The following SEZ6L variants were observed in gnomAD, a reference collection of about 807,000 sequenced individuals.
The protein encoded by SEZ6L is seizure related 6 homolog like.
SEZ6L carries 37 observed loss-of-function variants against 106.2 expected under a neutral mutation model. The observed-to-expected ratio is 0.35, with a 90% CI of 0.27 to 0.46. The LOEUF is 0.46. Among genes scored for constraint, SEZ6L ranks in the 20% least tolerant of loss-of-function variants. SEZ6L has a pLI of 1.00. For synonymous variants in SEZ6L, 541 were observed against 570.4 expected (o/e 0.95, Z 0.73); for missense variants, 1,172 against 1,332.8 (o/e 0.88, Z 1.88).
intron 1 of SEZ6L, among the ~76,000 whole-genome samples, chr22:26,263,317 G>A (rs2080076792): frequency 6.6e-6 from 1 of 152,208 alleles, no homozygotes; most frequent in African/African-American, 2.4e-5. Flanking sequence ...CCTTGCAGAA[G>A]TAGCCCCCAC....
At chr22:26,380,219 C>T (rs1303610123) in intron 16 of SEZ6L, 47 bp from the exon 17 acceptor site, 2 of 1,599,980 alleles carry the variant, frequency 1.3e-6, no homozygotes, top group Non-Finnish European at 1.7e-6. Flanking sequence ...ATGTATATCA[C>T]TCTACCACAC....
rs770303218 is a variant in SEZ6L at position 26,293,009 on chromosome 22, C to G, written c.698C>G (p.Pro233Arg). 63 of 1,614,042 alleles carry G rather than the reference C, an allele frequency of 3.9e-5. No homozygotes were observed. Among genetic ancestry groups the G allele is most frequent in the Non-Finnish European group, 4.6e-5 (54 of 1,180,022 alleles). The part of the protein sequence containing the change: ...EPGPDMAQEA[P>R]QEDTSPMALM... ...GGGCCTGACATGGCCCAGGAGGCCC[C>G]CCAGGAGGACACCAGCCCCATGGCC... The change falls in exon 2 of 17, where the codon CCC becomes CGC. Residue 233 changes from proline to arginine, a missense_variant. This residue lies in a region of SEZ6L where 494 missense variants were observed against 445.8 expected (regional missense o/e 1.11). Transcript: ENST00000248933.
At chr22:26,347,528 G>A (rs574336355) in intron 10 of SEZ6L, among the ~76,000 whole-genome samples, 191 bp from the exon 11 acceptor site, 247 of 152,240 alleles carry the variant, frequency 1.6e-3, no homozygotes, top group African/African-American at 5.7e-3. Flanking sequence ...AGTGAGTTCA[G>A]GGGCCCACAG....
At chr22:26,230,949 A>C (rs2078780184) in intron 1 of SEZ6L, among the ~76,000 whole-genome samples, 1 of 152,206 alleles carries the variant, frequency 6.6e-6, no homozygotes, top group Admixed American at 6.5e-5. Context: ...CCAGGCCAGC[A>C]TGGAAGTTAG....
intron 1 of SEZ6L, among the ~76,000 whole-genome samples, chr22:26,186,214 A>G (rs1005466743): frequency 2.6e-5 from 4 of 152,118 alleles, no homozygotes; most frequent in African/African-American, 4.8e-5. Context: ...TTGGCCAGAG[A>G]TAAGTCCTTA....
rs759366608 is a variant in SEZ6L at position 26,306,110 on chromosome 22, C to T, written c.1480C>T (p.His494Tyr). ...EAPEGQKLHL[H>Y]FERLLLHDKD... The stretch of plus-strand genomic sequence containing the variant: ...TCCAGAGGGCCAGAAGCTGCACCTG[C>T]ACTTTGAGAGGCTGTTGCTGCATGA... The change falls in exon 6 of 17, where the codon CAC (histidine) becomes TAC (tyrosine). Residue 494 changes from histidine (H) to tyrosine (Y), a missense_variant. Around this residue, in one of 4 missense-constraint regions of SEZ6L, gnomAD observed 534 missense variants for 691.0 expected, o/e 0.77. Coordinates refer to ENST00000248933, the MANE Select transcript of SEZ6L (RefSeq NM_021115.5). The T allele has an allele frequency of 1.9e-6, 3 of 1,613,980 alleles. No individual in the cohort carries two copies. Among genetic ancestry groups the T allele is most frequent in the African/African-American group, 1.3e-5 (1 of 74,928 alleles).
intron 1 of SEZ6L, among the ~76,000 whole-genome samples, chr22:26,291,133 C>T (rs2081093601): frequency 6.6e-6 from 1 of 152,228 alleles, no homozygotes; most frequent in South Asian, 2.1e-4. Flanking sequence ...TACAAAGATA[C>T]ATGCATGCAC....
At chr22:26,260,107 G>T (rs924965312) in intron 1 of SEZ6L, among the ~76,000 whole-genome samples, 2 of 152,080 alleles carry the variant, frequency 1.3e-5, no homozygotes, top group Non-Finnish European at 2.9e-5. Context: ...TGCATTTGAT[G>T]AATATATCCA....
chr22:26,292,171 G>A, intron 1 of SEZ6L: 1 of 455,328 alleles, frequency 2.2e-6, no homozygotes, highest in Non-Finnish European at 3.8e-6. Flanking sequence ...GAAGGAGGAA[G>A]GAAAGAAGGA....
intron 1 of SEZ6L, among the ~76,000 whole-genome samples, chr22:26,234,583 A>G (rs1038856870): frequency 1.3e-5 from 2 of 152,344 alleles, no homozygotes; most frequent in Admixed American, 6.5e-5. Context: ...CTTCCTCTGT[A>G]TGAGGTCATG....
At chr22:26,212,041 CG>C (rs1482819080) in intron 1 of SEZ6L, among the ~76,000 whole-genome samples, 1 of 151,840 alleles carries the variant, frequency 6.6e-6, no homozygotes, top group Non-Finnish European at 1.5e-5. Context: ...TAAAATGTGA[CG>C]GACAAGTGGA....
At chr22:26,193,506 A>G (rs552910769) in intron 1 of SEZ6L, among the ~76,000 whole-genome samples, 5 of 152,316 alleles carry the variant, frequency 3.3e-5, no homozygotes, top group South Asian at 2.1e-4. Context: ...AAATGCATAA[A>G]TGAGAACGGT....
At chr22:26,235,225 T>C (rs1210965806) in intron 1 of SEZ6L, among the ~76,000 whole-genome samples, 6 of 152,298 alleles carry the variant, frequency 3.9e-5, no homozygotes, top group East Asian at 1.9e-4. Flanking sequence ...TGATGTTTAA[T>C]AGCATCCCTG....
At position 26,318,493 on chromosome 22, in the gene SEZ6L, G is replaced by T. The variant is rs150967015; in HGVS notation, c.2015+4591G>T. Among the ~76,000 whole-genome samples the T allele has an allele frequency of 6.6e-5, 10 of 151,838 alleles. No individual in the cohort carries two copies. The East Asian group carries it at 1.9e-3, about 29-fold the overall frequency. On this transcript the variant is annotated intron_variant, in intron 9 of 16. Transcript: ENST00000248933. ...TTGCAAATGATTAAGGTGATTGAGG[G>T]TTTAAGCTCCCTTCTCATTGCAGCA...
At chr22:26,282,822 G>A (rs1018011614) in intron 1 of SEZ6L, among the ~76,000 whole-genome samples, 1 of 152,184 alleles carries the variant, frequency 6.6e-6, no homozygotes, top group Non-Finnish European at 1.5e-5. Context: ...AATAGAGTTG[G>A]TGGCAGGGTA....
chr22:26,361,819 AT>A (rs1202243589), intron 12 of SEZ6L, among the ~76,000 whole-genome samples: 17 of 152,238 alleles, frequency 1.1e-4, no homozygotes, highest in African/African-American at 4.1e-4. Context: ...TTGCCTTTAA[AT>A]GAAATGATGT....
At position 26,209,466 on chromosome 22, in the gene SEZ6L, T is replaced by TATGGATGG. The variant is rs71192906; in HGVS notation, c.94+39732_94+39739dup. ...AAGGAGAGGGAAGGAAGGAAGGATA[T>TATGGATGG]ATGGATGGATGGATGGATGGATGGA... On this transcript the variant is annotated intron_variant, in intron 1 of 16. Coordinates refer to ENST00000248933, the MANE Select transcript of SEZ6L (RefSeq NM_021115.5). Among the ~76,000 whole-genome samples the TATGGATGG allele has an allele frequency of 8.9e-4, 132 of 148,536 alleles. 2 individuals are homozygous for TATGGATGG. Among genetic ancestry groups the TATGGATGG allele is most frequent in the South Asian group, 3.3e-3 (15 of 4,614 alleles).
intron 5 of SEZ6L, among the ~76,000 whole-genome samples, chr22:26,299,553 A>G (rs1448598053): frequency 6.6e-6 from 1 of 152,218 alleles, no homozygotes; most frequent in East Asian, 1.9e-4. Flanking sequence ...TATTTTATGT[A>G]AATGGAATCA....
At chr22:26,357,934 C>G (rs899301261) in intron 12 of SEZ6L, among the ~76,000 whole-genome samples, 3 of 152,186 alleles carry the variant, frequency 2.0e-5, no homozygotes, top group Non-Finnish European at 2.9e-5. Context: ...CCAGGAGCCA[C>G]TTAGCTTGCT....
Sources: allele counts gnomAD v4.1 joint callset (sites outside exome capture counted in the v4.1 genomes callset), GRCh38; gene constraint gnomAD v4.1.1; regional missense constraint gnomAD v4.1.1; transcripts MANE v1.5; gene names NCBI Gene and HGNC (gene_info 2026-07-23, HGNC 2026-07-21).